The following CSMD2 variants were observed in gnomAD, a reference collection of about 807,000 sequenced individuals.
CSMD2 encodes the protein CUB and sushi domain-containing protein 2.
Under a neutral mutation model 398.5 loss-of-function variants are expected in CSMD2, and 130 were observed. The ratio of observed to expected loss-of-function variants is 0.33; its 90% CI spans 0.28 to 0.38. The LOEUF is 0.38. Among genes scored for constraint, CSMD2 ranks in the 10% least tolerant of loss-of-function variants. The pLI, the probability that CSMD2 is intolerant of heterozygous loss-of-function variation, is 1.00. For missense variants in CSMD2, 3,829 were observed against 4,764.9 expected, an observed-to-expected ratio of 0.80 and a Z score of 5.78; for synonymous variants, 1,828 against 1,908.5, an observed-to-expected ratio of 0.96 and a Z score of 1.10.
intron 16 of CSMD2, 22 bp downstream of exon 16, chr1:33,726,525 C>A: frequency 1.3e-6 from 2 of 1,599,502 alleles, no homozygotes; most frequent in African/African-American, 1.3e-5. Flanking sequence ...GCCCTCTCCC[C>A]CAAGGCTGTG....
intron 3 of CSMD2, among the ~76,000 whole-genome samples, chr1:33,945,843 A>C (rs1475342534): frequency 6.6e-6 from 1 of 152,180 alleles, no homozygotes; most frequent in Non-Finnish European, 1.5e-5. Context: ...CCCAGGGATG[A>C]TCAAATATAT....
chr1:34,053,367 C>T (rs1392981888), intron 2 of CSMD2, among the ~76,000 whole-genome samples: 3 of 152,112 alleles, frequency 2.0e-5, no homozygotes, highest in Admixed American at 1.3e-4. Context: ...CACCAGATCT[C>T]GAAGTCAGAA....
In CSMD2 at chr1:33,583,635, G is replaced by T; in HGVS notation, c.7240+7C>A. On this transcript the variant is annotated splice_region_variant and intron_variant, in intron 47 of 70. Transcript: ENST00000373381. ...GCAGAGAACTGTGAGGCATTTGACT[G>T]ACTTACCATCAAAAATCTCAAACTC... 6.2e-7 allele frequency: 1 copy of T among 1,613,046 alleles called. No homozygotes were observed. Among genetic ancestry groups the T allele is most frequent in the South Asian group, 1.1e-5 (1 of 90,850 alleles).
chr1:34,132,506 T>C (rs1219061601), intron 1 of CSMD2, among the ~76,000 whole-genome samples: 2 of 152,224 alleles, frequency 1.3e-5, no homozygotes, highest in African/African-American at 4.8e-5. Context: ...TGTGTCAACT[T>C]GACTGGGCTA....
chr1:33,909,743 A>G (rs138242886), intron 5 of CSMD2, among the ~76,000 whole-genome samples: 8 of 152,268 alleles, frequency 5.3e-5, no homozygotes, highest in African/African-American at 1.9e-4. Context: ...AGGGTATTGA[A>G]CACCAAGCTT....
At chr1:34,160,336 A>G (rs1318064257) in intron 1 of CSMD2, among the ~76,000 whole-genome samples, 2 of 152,228 alleles carry the variant, frequency 1.3e-5, no homozygotes. Context: ...TCAAATTCAT[A>G]CACACACTGG....
At chr1:33,980,620 C>G (rs982451964) in intron 3 of CSMD2, among the ~76,000 whole-genome samples, 16 of 152,186 alleles carry the variant, frequency 1.1e-4, no homozygotes, top group Non-Finnish European at 2.2e-4. Context: ...TGCTCCAGTT[C>G]CTCCATTCAT....
At chr1:33,973,676 T>C (rs1024674421) in intron 3 of CSMD2, among the ~76,000 whole-genome samples, 1 of 152,124 alleles carries the variant, frequency 6.6e-6, no homozygotes, top group Non-Finnish European at 1.5e-5. Context: ...GGAATGGCCA[T>C]GCACCCTGCC....
At chr1:33,969,755 G>A (rs1645688529) in intron 3 of CSMD2, among the ~76,000 whole-genome samples, 1 of 152,028 alleles carries the variant, frequency 6.6e-6, no homozygotes, top group South Asian at 2.1e-4. Context: ...ATGAATGAGT[G>A]AGTGAGTGTG....
intron 5 of CSMD2, among the ~76,000 whole-genome samples, chr1:33,885,616 G>A (rs1558053153): frequency 6.6e-6 from 1 of 152,142 alleles, no homozygotes. Context: ...GTTCAAGGCA[G>A]GAATCTTGTG....
intron 12 of CSMD2, among the ~76,000 whole-genome samples, 199 bp downstream of exon 12, chr1:33,788,401 G>A (rs1235242544): frequency 6.6e-6 from 1 of 151,890 alleles, no homozygotes; most frequent in Non-Finnish European, 1.5e-5. Flanking sequence ...CCAGCTACTC[G>A]GGAGGCTGAG....
chr1:33,772,386 C>G, intron 13 of CSMD2, 183 bp downstream of exon 13: 1 of 579,522 alleles, frequency 1.7e-6, no homozygotes, highest in Non-Finnish European at 3.1e-6. Flanking sequence ...GTGCTACAGT[C>G]GACATTCCTG....
chr1:33,898,812 G>C (rs1050462180), intron 5 of CSMD2, among the ~76,000 whole-genome samples: 1 of 152,186 alleles, frequency 6.6e-6, no homozygotes, highest in African/African-American at 2.4e-5. Flanking sequence ...GGCCACGTCA[G>C]CGTCCAGGAT....
chr1:33,592,103 G>C (rs1457369847), intron 44 of CSMD2: 2 of 411,024 alleles, frequency 4.9e-6, no homozygotes, highest in East Asian at 1.1e-4. Flanking sequence ...AAGCAAAAAA[G>C]CCTCTCAGAG....
chr1:33,773,644 A>C (rs1651577019), intron 12 of CSMD2, among the ~76,000 whole-genome samples: 1 of 152,060 alleles, frequency 6.6e-6, no homozygotes, highest in Non-Finnish European at 1.5e-5. Flanking sequence ...GAGATGGACG[A>C]GGAGGAGGGG....
chr1:33,547,199 C>A (rs955680449), intron 56 of CSMD2, among the ~76,000 whole-genome samples: 3 of 152,128 alleles, frequency 2.0e-5, no homozygotes, highest in Non-Finnish European at 4.4e-5. Flanking sequence ...ATTGTGCAAA[C>A]CCACTCAAGA....
intron 2 of CSMD2, among the ~76,000 whole-genome samples, chr1:34,044,166 A>T (rs988503888): frequency 1.3e-5 from 2 of 152,176 alleles, no homozygotes; most frequent in Non-Finnish European, 2.9e-5. Flanking sequence ...CAACACAGAG[A>T]CTGACAAATT....
At chr1:34,107,578 G>C (rs1660644094) in intron 1 of CSMD2, among the ~76,000 whole-genome samples, 1 of 152,162 alleles carries the variant, frequency 6.6e-6, no homozygotes. Context: ...AGGCAATCTG[G>C]TGCCACATCC....
At chr1:33,685,443 C>G (rs578132122) in intron 25 of CSMD2, among the ~76,000 whole-genome samples, 61 of 152,296 alleles carry the variant, frequency 4.0e-4, no homozygotes, top group South Asian at 1.7e-3. Flanking sequence ...GGCAGAATGC[C>G]CAGCACTGAG....
Sources: allele counts gnomAD v4.1 joint callset (sites outside exome capture counted in the v4.1 genomes callset), GRCh38; gene constraint gnomAD v4.1.1; transcripts MANE v1.5; gene names NCBI Gene and HGNC (gene_info 2026-07-23, HGNC 2026-07-21).